Variants in DHDDS observed in about 807,000 individuals in gnomAD.
The protein encoded by DHDDS is dehydrodolichyl diphosphate synthase complex subunit DHDDS.
A neutral mutation model predicts 46.2 loss-of-function variants in DHDDS; 16 were observed. The ratio of observed to expected loss-of-function variants is 0.35; its 90% confidence interval spans 0.23 to 0.53. The LOEUF is 0.53. Among genes scored for constraint, DHDDS ranks in the 20% least tolerant of loss-of-function variants. DHDDS has a pLI of 0.94. For synonymous variants in DHDDS, 151 were observed against 163.1 expected, an observed-to-expected ratio of 0.93 and a Z score of 0.56; for missense variants, 340 against 423.7, an observed-to-expected ratio of 0.80 and a Z score of 1.73.
At chr1:26,436,625 G>A (rs1363304052) in intron 2 of DHDDS, among the ~76,000 whole-genome samples, 2 of 151,480 alleles carry the variant, frequency 1.3e-5, no homozygotes, top group East Asian at 2.0e-4. Flanking sequence ...GGGTTTCACC[G>A]TGTTAGCCAG....
At position 26,469,033 on chromosome 1, in the gene DHDDS, C is replaced by T. The variant is rs779438727; in HGVS notation, c.904C>T (p.Leu302Phe). 3.7e-6 allele frequency: 6 copies of T among 1,614,098 alleles called. No homozygotes were observed. The highest frequency in any genetic ancestry group is 4.2e-6 in the Non-Finnish European group (5 of 1,180,048). ...GCTCCGAAGGACACGCTTGCACAAACTCTCGGCCAGACGGGAAGAGCGAGT... is the reference window on the plus strand; with the variant it reads ...GCTCCGAAGGACACGCTTGCACAAATTCTCGGCCAGACGGGAAGAGCGAGT... ...AQLRRTRLHK[L>F]SARREERVQG... The change falls in exon 9 of 9, where the codon CTC (leucine) becomes TTC (phenylalanine). Residue 302 changes from leucine to phenylalanine, a missense_variant. By Grantham distance (22) the Leu-to-Phe change is conservative (BLOSUM62 0). Around this residue, in one of 2 missense-constraint regions of DHDDS, gnomAD observed 268 missense variants for 300.3 expected, o/e 0.89. Coordinates refer to ENST00000236342, the MANE Select transcript of DHDDS (RefSeq NM_205861.3).
intron 3 of DHDDS, among the ~76,000 whole-genome samples, chr1:26,441,646 A>G (rs2124397392): frequency 6.6e-6 from 1 of 152,186 alleles, no homozygotes; most frequent in African/African-American, 2.4e-5. Flanking sequence ...CTGTAATCCC[A>G]GCACTTCGGG....
At chr1:26,436,879 C>G (rs915940016) in intron 2 of DHDDS, among the ~76,000 whole-genome samples, 1 of 152,030 alleles carries the variant, frequency 6.6e-6, no homozygotes, top group South Asian at 2.1e-4. Context: ...TCTTCTTAAC[C>G]GCGTGACTGG....
At chr1:26,456,074 C>T (rs913460650) in intron 6 of DHDDS, among the ~76,000 whole-genome samples, 3 of 152,192 alleles carry the variant, frequency 2.0e-5, no homozygotes, top group Admixed American at 1.3e-4. Flanking sequence ...AATTCTATCT[C>T]CTTTCTGACC....
chr1:26,470,375 G>A lies in DHDDS; in HGVS notation c.*1244G>A, dbSNP rs2075541708. Reference sequence around the variant, plus strand: ...CTGTCCTGGCTGGTCTCGAACTCCTGACCTCAGGTGATCCGCCGGCCTCAC... The same window carrying A: ...CTGTCCTGGCTGGTCTCGAACTCCTAACCTCAGGTGATCCGCCGGCCTCAC... On this transcript the variant is annotated 3_prime_UTR_variant, in exon 9 of 9. Coordinates refer to ENST00000236342, the MANE Select transcript of DHDDS (RefSeq NM_205861.3). 7.2e-6 allele frequency: 1 copy of A among 138,144 alleles called. No homozygotes were observed. Among genetic ancestry groups the A allele is most frequent in the African/African-American group, 2.8e-5 (1 of 35,612 alleles). The allele number at this position is 138,144 out of a possible 1,614,324, so 8.6% of individuals were successfully genotyped here.
At position 26,436,446 on chromosome 1, in the gene DHDDS, C is replaced by CAT. The variant is rs560143807; in HGVS notation, c.64-1721_64-1720insTA. 2.1e-4 allele frequency among the ~76,000 whole-genome samples: 31 copies of CAT among 149,880 alleles called. 1 individual carries two copies. The East Asian group carries it at 5.7e-3, about 28-fold the overall frequency. ...GTTTGTTTGTTTGTTTGTTTTGAGA[C>CAT]AGAGTCCCGCTCTGTCATCCAGGCT... On this transcript the variant is annotated intron_variant, in intron 2 of 8. Coordinates refer to ENST00000236342, the MANE Select transcript of DHDDS (RefSeq NM_205861.3).
rs2075541343 is a variant in DHDDS at position 26,470,339 on chromosome 1, A to G, written c.*1208A>G. The G allele has an allele frequency of 7.0e-6, 1 of 143,584 alleles. No individual in the cohort carries two copies. The highest frequency in any genetic ancestry group is 1.5e-5 in the Non-Finnish European group (1 of 66,536). 8.9% of individuals were successfully genotyped at this position (143,584 alleles called of 1,614,324 possible). Reference sequence around the variant, plus strand: ...TCTTTTTTTTTTTTTTTTTGGAGACAGCATCTCACCCTGTCCTGGCTGGTC... The same window carrying G: ...TCTTTTTTTTTTTTTTTTTGGAGACGGCATCTCACCCTGTCCTGGCTGGTC... On this transcript the variant is annotated 3_prime_UTR_variant, in exon 9 of 9. Transcript: ENST00000236342.
In DHDDS at chr1:26,469,279, G is replaced by T; in HGVS notation, c.*148G>T. The T allele has an allele frequency of 6.8e-7, 1 of 1,466,486 alleles. No homozygotes were observed. Among genetic ancestry groups the T allele is most frequent in the East Asian group, 2.4e-5 (1 of 41,732 alleles). 90.8% of individuals were successfully genotyped at this position (1,466,486 alleles called of 1,614,324 possible). Reference sequence around the variant, plus strand: ...GGAGCCCCCCAGGCCAGGTTTGCTGGCCATAGATACCTTTGGGCTGCCTGG... The same window carrying T: ...GGAGCCCCCCAGGCCAGGTTTGCTGTCCATAGATACCTTTGGGCTGCCTGG... On this transcript the variant is annotated 3_prime_UTR_variant, in exon 9 of 9. Transcript: ENST00000236342.
intron 2 of DHDDS, 74 bp from the exon 3 acceptor site, chr1:26,438,094 C>T: frequency 6.7e-7 from 1 of 1,490,866 alleles, no homozygotes; most frequent in East Asian, 2.3e-5. Context: ...AAACATATCA[C>T]CTTGGGGTGT....
At chr1:26,457,233 G>A (rs191071835) in intron 6 of DHDDS, among the ~76,000 whole-genome samples, 11 of 151,704 alleles carry the variant, frequency 7.3e-5, no homozygotes, top group South Asian at 4.2e-4. Context: ...CCGAGGGGGG[G>A]GCGGATCACG....
At position 26,446,320 on chromosome 1, in the gene DHDDS, A is replaced by G. The variant is rs368777591; in HGVS notation, c.328A>G (p.Lys110Glu). 4.3e-6 allele frequency: 7 copies of G among 1,613,796 alleles called. No individual in the cohort carries two copies. The highest frequency in any genetic ancestry group is 5.1e-6 in the Non-Finnish European group (6 of 1,179,888). ...KFSRLMEEKE[K>E]LQKHGVCIRV... ...CTGCCTCTTTTCCCTGATCAGGGAGAAACTGCAGAAGCATGGGGTGTGTAT... is the reference window on the plus strand; with the variant it reads ...CTGCCTCTTTTCCCTGATCAGGGAGGAACTGCAGAAGCATGGGGTGTGTAT... The change falls in exon 5 of 9, where the codon AAA becomes GAA. Residue 110 changes from lysine to glutamate, a missense_variant. Physicochemically the swap from Lys to Glu is moderately conservative, Grantham distance 56 (BLOSUM62 1). Transcript: ENST00000236342.
chr1:26,443,243 C>T (rs2075236250), intron 4 of DHDDS, among the ~76,000 whole-genome samples: 2 of 152,096 alleles, frequency 1.3e-5, no homozygotes, highest in Non-Finnish European at 2.9e-5. Flanking sequence ...AGCCTGGAAT[C>T]AATAAAATCC....
chr1:26,440,853 CCTCCACCTCTCAACATTGTT>C (rs2075211194), intron 3 of DHDDS, among the ~76,000 whole-genome samples: 1 of 152,024 alleles, frequency 6.6e-6, no homozygotes, highest in African/African-American at 2.4e-5. Context: ...TCAACATTGT[CCTCCACCTCTCAACATTGTT>C]CTCCACCTTT....
rs201045286 is a variant in DHDDS at position 26,442,823 on chromosome 1, C to T, written c.273C>T (p.Asp91=). 1.5e-5 allele frequency: 25 copies of T among 1,614,156 alleles called. No individual in the cohort carries two copies. The highest frequency in any genetic ancestry group is 1.5e-4 in the South Asian group (14 of 91,070). ...ENFKRSKSEV[D]GLMDLARQKF... is the part of the protein sequence containing the mutation. ...TCAAACGCTCCAAGAGTGAGGTAGACGGGCTTATGGATCTGGCCCGGCAGA... is the reference window on the plus strand; with the variant it reads ...TCAAACGCTCCAAGAGTGAGGTAGATGGGCTTATGGATCTGGCCCGGCAGA... Residue 91 remains aspartate, a synonymous_variant, in exon 4 of 9, where the codon GAC becomes GAT. Transcript: ENST00000236342.
rs1247750244 is a variant in DHDDS, at chr1:26,447,447, G to C, written c.441-112G>C. On this transcript the variant is annotated intron_variant, in intron 5 of 8. Coordinates refer to ENST00000236342, the MANE Select transcript of DHDDS (RefSeq NM_205861.3). ...TCAGAGGTATCCACAATTAACATTT[G>C]ATGTGTATTTGTTTTTCTAGGGAAA... is the stretch of plus-strand genomic sequence containing the variant. The C allele has an allele frequency of 7.2e-6, 6 of 828,810 alleles. No homozygotes were observed. In the Admixed American group the frequency reaches 1.2e-4, roughly 16 times the overall value. 51.3% of individuals were successfully genotyped at this position (828,810 alleles called of 1,614,324 possible).
In DHDDS at chr1:26,447,574, C is replaced by T. The variant is rs1171305295; in HGVS notation, c.456C>T (p.Val152=). The change falls in exon 6 of 9, where the codon GTC becomes GTT. Residue 152 remains valine (V), a synonymous_variant. Transcript: ENST00000236342. ...CCCTCCTCAGGTGTTTCCTGAATGT[C>T]TGTTTTGCATACACATCCCGTCATG... The part of the protein sequence containing the change: ...TKNYNKCFLN[V]CFAYTSRHEI... 1 of 1,614,018 alleles carries T rather than the reference C, an allele frequency of 6.2e-7. No individual in the cohort carries two copies. The highest frequency in any genetic ancestry group is 8.5e-7 in the Non-Finnish European group (1 of 1,180,004).
intron 8 of DHDDS, among the ~76,000 whole-genome samples, chr1:26,466,590 CAG>C (rs2075489971): frequency 6.6e-6 from 1 of 152,242 alleles, no homozygotes. Flanking sequence ...TCCTGGCAGA[CAG>C]GGGCCAGGCT....
At chr1:26,455,677 G>T (rs188207751) in intron 6 of DHDDS, among the ~76,000 whole-genome samples, 2 of 152,254 alleles carry the variant, frequency 1.3e-5, no homozygotes, top group East Asian at 3.9e-4. Flanking sequence ...AACCCGAGAG[G>T]TGGAGGTTGC....
At chr1:26,437,796 GAAAA>G (rs886306490) in intron 2 of DHDDS, among the ~76,000 whole-genome samples, 6 of 127,538 alleles carry the variant, frequency 4.7e-5, no homozygotes, top group Non-Finnish European at 8.6e-5. Flanking sequence ...CTTAAAAAAA[GAAAA>G]AAAAAAAAAG....
Sources: allele counts gnomAD v4.1 joint callset (sites outside exome capture counted in the v4.1 genomes callset), GRCh38; gene constraint gnomAD v4.1.1; regional missense constraint gnomAD v4.1.1; transcripts MANE v1.5; gene names NCBI Gene and HGNC (gene_info 2026-07-23, HGNC 2026-07-21).